GRIN2B: variants seen among roughly 807,000 people sequenced by gnomAD.
GRIN2B encodes the protein glutamate ionotropic receptor NMDA type subunit 2B, also known as glutamate receptor ionotropic, NMDA 2B.
Under a neutral mutation model 114.5 loss-of-function variants are expected in GRIN2B, and 5 were observed. The ratio of observed to expected loss-of-function variants is 0.04; its 90% confidence interval spans 0.02 to 0.09. The LOEUF (loss-of-function observed/expected upper bound fraction) is 0.09. Among genes scored for constraint, GRIN2B ranks in the 10% least tolerant of loss-of-function variants. The pLI, the probability that GRIN2B is intolerant of heterozygous loss-of-function variation, is 1.00. For synonymous variants in GRIN2B, 787 were observed against 745.1 expected (o/e 1.06, Z -0.92); for missense variants, 1,108 against 1,943.5 (o/e 0.57, Z 8.08).
chr12:13,947,342 G>C (rs926122174), intron 2 of GRIN2B, among the ~76,000 whole-genome samples: 26 of 152,156 alleles, frequency 1.7e-4, no homozygotes, highest in Admixed American at 4.6e-4. Context: ...TTGGATTATA[G>C]CAATGTAGGC....
chr12:13,768,734 C>G, intron 3 of GRIN2B, among the ~76,000 whole-genome samples: 1 of 152,114 alleles, frequency 6.6e-6, no homozygotes. Flanking sequence ...TTAAAAGAGC[C>G]TAATTAAAAA....
intron 5 of GRIN2B, among the ~76,000 whole-genome samples, chr12:13,649,039 G>T (rs1246509483): frequency 6.6e-6 from 1 of 152,022 alleles, no homozygotes; most frequent in East Asian, 1.9e-4. Flanking sequence ...TTTGAATCTG[G>T]GCCCTGCCAC....
At chr12:13,659,952 G>A (rs1024133166) in intron 5 of GRIN2B, among the ~76,000 whole-genome samples, 6 of 152,110 alleles carry the variant, frequency 3.9e-5, no homozygotes, top group South Asian at 2.1e-4. Context: ...CGCTTTAGCT[G>A]GGTCCTGTGG....
intron 10 of GRIN2B, among the ~76,000 whole-genome samples, chr12:13,605,551 T>TCTCTCTCACACACA: frequency 1.3e-3 from 40 of 30,462 alleles, no homozygotes; most frequent in Non-Finnish European, 2.3e-3. Flanking sequence ...TCTCTCTCTC[T>TCTCTCTCACACACA]GACACACACA....
intron 2 of GRIN2B, among the ~76,000 whole-genome samples, chr12:13,933,595 G>A (rs1163675119): frequency 6.6e-6 from 1 of 152,090 alleles, no homozygotes; most frequent in Non-Finnish European, 1.5e-5. Flanking sequence ...GATGCTGCTG[G>A]TACCTCTGCA....
intron 3 of GRIN2B, among the ~76,000 whole-genome samples, chr12:13,804,546 C>G (rs970934131): frequency 2.0e-5 from 3 of 152,100 alleles, no homozygotes; most frequent in Non-Finnish European, 2.9e-5. Context: ...GTCCCTCCAC[C>G]TTGACTGCAT....
chr12:13,851,983 C>A (rs1865572969), intron 3 of GRIN2B, among the ~76,000 whole-genome samples: 1 of 152,138 alleles, frequency 6.6e-6, no homozygotes, highest in Non-Finnish European at 1.5e-5. Flanking sequence ...CACAGTGCAG[C>A]CTGGCTTCCT....
intron 3 of GRIN2B, among the ~76,000 whole-genome samples, chr12:13,831,202 G>A (rs182408651): frequency 7.3e-4 from 111 of 152,270 alleles, no homozygotes; most frequent in Non-Finnish European, 6.8e-4. Context: ...AAATGATGGC[G>A]CCATGCTTCA....
intron 5 of GRIN2B, among the ~76,000 whole-genome samples, chr12:13,631,918 A>C (rs2136498038): frequency 6.6e-6 from 1 of 152,334 alleles, no homozygotes; most frequent in South Asian, 2.1e-4. Context: ...GATGAGGCAG[A>C]AAAGGCGGGT....
At chr12:13,803,795 C>G (rs544462260) in intron 3 of GRIN2B, among the ~76,000 whole-genome samples, 1 of 152,188 alleles carries the variant, frequency 6.6e-6, no homozygotes, top group East Asian at 1.9e-4. Context: ...TGAAGCAACA[C>G]ACATGTGGAA....
chr12:13,829,478 C>T (rs150200163), intron 3 of GRIN2B, among the ~76,000 whole-genome samples: 415 of 152,236 alleles, frequency 2.7e-3, no homozygotes, highest in African/African-American at 9.7e-3. Flanking sequence ...GGGAATTGAG[C>T]CCTTAACGTT....
intron 3 of GRIN2B, among the ~76,000 whole-genome samples, chr12:13,843,020 T>A (rs1168364262): frequency 1.9e-5 from 2 of 107,144 alleles, no homozygotes; most frequent in African/African-American, 7.0e-5. Context: ...CTTTTTAAAA[T>A]TTTTTATTAT....
intron 3 of GRIN2B, among the ~76,000 whole-genome samples, chr12:13,858,351 CAGAA>C (rs573946872): frequency 1.3e-5 from 2 of 152,242 alleles, no homozygotes; most frequent in African/African-American, 4.8e-5. Flanking sequence ...TTATTGTACT[CAGAA>C]AGGTAGAATA....
At chr12:13,689,208 A>C (rs1387488385) in intron 4 of GRIN2B, among the ~76,000 whole-genome samples, 1 of 152,126 alleles carries the variant, frequency 6.6e-6, no homozygotes, top group Non-Finnish European at 1.5e-5. Context: ...TTTGCCAGTC[A>C]TCTCCACTTG....
intron 5 of GRIN2B, among the ~76,000 whole-genome samples, chr12:13,622,888 C>T (rs565641650): frequency 6.6e-6 from 1 of 152,196 alleles, no homozygotes; most frequent in Non-Finnish European, 1.5e-5. Context: ...CTCTCAACAA[C>T]GTTGCATTGA....
chr12:13,577,823 G>A (rs1413832875), intron 10 of GRIN2B, among the ~76,000 whole-genome samples: 1 of 152,198 alleles, frequency 6.6e-6, no homozygotes, highest in Non-Finnish European at 1.5e-5. Flanking sequence ...ATCAGACCCA[G>A]TTTTCAAGGA....
At chr12:13,940,480 A>G (rs1281835261) in intron 2 of GRIN2B, among the ~76,000 whole-genome samples, 3 of 152,060 alleles carry the variant, frequency 2.0e-5, no homozygotes, top group Non-Finnish European at 4.4e-5. Context: ...ATGCAAACAG[A>G]TAAGTCTCCA....
At chr12:13,816,972 C>T (rs1384236111) in intron 3 of GRIN2B, among the ~76,000 whole-genome samples, 3 of 152,092 alleles carry the variant, frequency 2.0e-5, no homozygotes, top group Admixed American at 6.5e-5. Flanking sequence ...GCATTGGGTT[C>T]TTTTATTTTC....
At chr12:13,583,177 T>C (rs1948875101) in intron 10 of GRIN2B, among the ~76,000 whole-genome samples, 1 of 152,186 alleles carries the variant, frequency 6.6e-6, no homozygotes, top group Non-Finnish European at 1.5e-5. Context: ...TATAAGCCAC[T>C]GAGCTCTGAA....
Sources: gnomAD v4.1 joint callset for allele counts (sites outside exome capture counted in the v4.1 genomes callset) on GRCh38, gnomAD v4.1.1 for gene constraint, MANE v1.5 for transcripts, NCBI Gene and HGNC (gene_info 2026-07-23, HGNC 2026-07-21) for gene names.